ZZEF1: variants seen among roughly 807,000 people sequenced by gnomAD.
The protein encoded by ZZEF1 is zinc finger ZZ-type and EF-hand domain containing 1, also known as zinc finger ZZ-type and EF-hand domain-containing protein 1.
A neutral mutation model predicts 342.8 loss-of-function variants in ZZEF1; 157 were observed. The ratio of observed to expected loss-of-function variants is 0.46; its 90% CI spans 0.40 to 0.52. The LOEUF is 0.52. ZZEF1 is among the 20% of genes least tolerant of loss of function. The pLI, the probability that ZZEF1 is intolerant of heterozygous loss-of-function variation, is 0.00. For missense variants in ZZEF1, 3,480 were observed against 3,725.6 expected, an observed-to-expected ratio of 0.93 and a Z score of 1.72; for synonymous variants, 1,505 against 1,429.1, an observed-to-expected ratio of 1.05 and a Z score of -1.20.
chr17:4,124,333 C>A (rs1346464169), intron 1 of ZZEF1, among the ~76,000 whole-genome samples: 2 of 152,168 alleles, frequency 1.3e-5, no homozygotes, highest in Non-Finnish European at 2.9e-5. Flanking sequence ...AGTCTCCTCC[C>A]CACTAAATAA....
Position 4,074,370 on chromosome 17 carries a change from C to G in ZZEF1, c.3484-19G>C, listed in dbSNP as rs1410087993. 2.5e-6 allele frequency: 4 copies of G among 1,613,786 alleles called. No individual in the cohort carries two copies. Among genetic ancestry groups the G allele is most frequent in the Non-Finnish European group, 3.4e-6 (4 of 1,179,766 alleles). ...TCACTTTCTAGAGACAAACAGAAAT[C>G]ATGTGGTCAGACAGATTAGAGGAGG... On this transcript the variant is annotated intron_variant, in intron 23 of 54. Transcript: ENST00000381638.
chr17:4,060,339 C>G (rs375112164), intron 30 of ZZEF1, among the ~76,000 whole-genome samples: 1 of 152,170 alleles, frequency 6.6e-6, no homozygotes, highest in Non-Finnish European at 1.5e-5. Flanking sequence ...CTGAGCCGGG[C>G]GGATCAATTG....
rs1001719558 is a variant in ZZEF1 at position 4,075,271 on chromosome 17, A to G, written c.3393T>C (p.Thr1131=). ...GAATATAGAAGTCTTACCTTTTTTCAGTTTCACACCTGTCATCGAATTCCA... is the reference window on the plus strand; with the variant it reads ...GAATATAGAAGTCTTACCTTTTTTCGGTTTCACACCTGTCATCGAATTCCA... ...FEVEFDDRCE[T]EKRYDYLEFT... The change falls in exon 22 of 55, where the codon ACT becomes ACC. Residue 1131 remains threonine (T), a synonymous_variant. Transcript: ENST00000381638. 2 of 1,613,208 alleles carry G rather than the reference A, an allele frequency of 1.2e-6. No individual in the cohort carries two copies. The highest frequency in any genetic ancestry group is 3.3e-5 in the Admixed American group (2 of 59,706).
Position 4,142,530 on chromosome 17 carries a change from G to A in ZZEF1, c.354+12C>T. On this transcript the variant is annotated intron_variant, in intron 1 of 54. Coordinates refer to ENST00000381638, the MANE Select transcript of ZZEF1 (RefSeq NM_015113.4). ...CCCTGCCCCATCCCCGCAGTCGCCT[G>A]CCGGCCCTGACCTCCTCGAACTGCT... The A allele has an allele frequency of 6.3e-7, 1 of 1,589,036 alleles. No homozygotes were observed. Among genetic ancestry groups the A allele is most frequent in the Non-Finnish European group, 8.5e-7 (1 of 1,174,946 alleles).
chr17:4,091,122 T>C (rs2057935793), intron 11 of ZZEF1, among the ~76,000 whole-genome samples: 2 of 152,226 alleles, frequency 1.3e-5, no homozygotes, highest in African/African-American at 4.8e-5. Context: ...TCGGGCATTG[T>C]GGATGACTCA....
chr17:4,033,678 G>A (rs2056599352), intron 40 of ZZEF1: 1 of 282,494 alleles, frequency 3.5e-6, no homozygotes, highest in South Asian at 4.7e-5. Context: ...TCCAAATTTG[G>A]TGTTGTGGTT....
At chr17:4,031,703 T>C (rs1369655003) in intron 42 of ZZEF1, among the ~76,000 whole-genome samples, 3 of 152,212 alleles carry the variant, frequency 2.0e-5, no homozygotes, top group Non-Finnish European at 4.4e-5. Flanking sequence ...ATTTGTGATA[T>C]AATACTTTCA....
At chr17:4,081,582 T>G in intron 17 of ZZEF1, 92 bp from the exon 18 acceptor site, 1 of 1,067,336 alleles carries the variant, frequency 9.4e-7, no homozygotes, top group East Asian at 2.6e-5. Flanking sequence ...GCAGAAAGGT[T>G]TCAGTGTCAT....
chr17:4,132,190 C>T (rs1438511164), intron 1 of ZZEF1, among the ~76,000 whole-genome samples: 1 of 140,444 alleles, frequency 7.1e-6, no homozygotes, highest in Non-Finnish European at 1.5e-5. Context: ...AAATAAAAGC[C>T]TAAATTTTCT....
chr17:4,120,392 C>G (rs2058464195), intron 2 of ZZEF1, among the ~76,000 whole-genome samples: 1 of 151,774 alleles, frequency 6.6e-6, no homozygotes, highest in Admixed American at 6.6e-5. Context: ...AGAACCCCTT[C>G]TGGTATCAAA....
chr17:4,030,244 C>T (rs1223294056), intron 42 of ZZEF1, among the ~76,000 whole-genome samples: 1 of 152,088 alleles, frequency 6.6e-6, no homozygotes, highest in African/African-American at 2.4e-5. Flanking sequence ...AAAGAGAAGA[C>T]ATAAATTGCC....
chr17:4,087,783 AACACACACACAC>A (rs10522603), intron 13 of ZZEF1, among the ~76,000 whole-genome samples: 12 of 146,086 alleles, frequency 8.2e-5, no homozygotes, highest in South Asian at 2.1e-4. Flanking sequence ...ATATACACAC[AACACACACACAC>A]ACACACACAC....
chr17:4,123,558 T>C (rs182426225), intron 2 of ZZEF1, among the ~76,000 whole-genome samples: 302 of 151,974 alleles, frequency 2.0e-3, no homozygotes, highest in African/African-American at 6.9e-3. Context: ...TTACTAATAA[T>C]TGAATAATGA....
At chr17:4,025,494 T>G (rs758385667) in intron 42 of ZZEF1, among the ~76,000 whole-genome samples, 10 of 152,134 alleles carry the variant, frequency 6.6e-5, no homozygotes, top group South Asian at 4.1e-4. Context: ...CAAGGCTAGC[T>G]TGGTCAACAT....
intron 1 of ZZEF1, 50 bp from the exon 2 acceptor site, chr17:4,124,101 G>T: frequency 6.5e-7 from 1 of 1,528,472 alleles, no homozygotes; most frequent in African/African-American, 1.4e-5. Context: ...AGTAAACGAG[G>T]GCAGTTTCAA....
intron 29 of ZZEF1, among the ~76,000 whole-genome samples, chr17:4,064,071 G>T (rs374524444): frequency 2.0e-5 from 3 of 151,342 alleles, no homozygotes; most frequent in Admixed American, 1.3e-4. Context: ...GGAGGGGGGG[G>T]GGTCTCACTA....
rs755822874 is a variant in ZZEF1 at position 4,088,784 on chromosome 17, T to C, written c.2135A>G (p.Gln712Arg). 2.5e-6 allele frequency: 4 copies of C among 1,614,236 alleles called. No individual in the cohort carries two copies. Among genetic ancestry groups the C allele is most frequent in the Middle Eastern group, 1.6e-4 (1 of 6,062 alleles). ...YLRPARAEAEQSVTCAHCRKD... is the reference protein window; with the variant it reads ...YLRPARAEAERSVTCAHCRKD... ...TCTGCAGTGTGCACAGGTGACGCTC[T>C]GTTCTGCTTCTGCTCTTGCAGGCCG... Residue 712 changes from glutamine (Q) to arginine (R), a missense_variant, in exon 13 of 55, where the codon CAG becomes CGG. This residue lies in a region of ZZEF1 where 1,528 missense variants were observed against 1,624.1 expected (regional missense o/e 0.94). Coordinates refer to ENST00000381638, the MANE Select transcript of ZZEF1 (RefSeq NM_015113.4).
intron 1 of ZZEF1, among the ~76,000 whole-genome samples, chr17:4,125,762 T>C (rs2058563164): frequency 1.3e-5 from 2 of 152,120 alleles, no homozygotes; most frequent in South Asian, 2.1e-4. Context: ...CTAGAAACTG[T>C]GCCCTGTTGG....
intron 37 of ZZEF1, among the ~76,000 whole-genome samples, chr17:4,045,858 C>T (rs1471724894): frequency 6.1e-5 from 9 of 148,404 alleles, no homozygotes; most frequent in African/African-American, 1.7e-4. Context: ...GATGGAGTCT[C>T]GCTCTGTTAC....
Sources: gnomAD v4.1 joint callset for allele counts (sites outside exome capture counted in the v4.1 genomes callset) on GRCh38, gnomAD v4.1.1 for gene constraint, gnomAD v4.1.1 regional missense constraint, MANE v1.5 for transcripts, NCBI Gene and HGNC (gene_info 2026-07-23, HGNC 2026-07-21) for gene names.